Variants in DLGAP2 observed in about 807,000 individuals in gnomAD.
The protein encoded by DLGAP2 is DLG associated protein 2, also known as disks large-associated protein 2.
Under a neutral mutation model 100.3 loss-of-function variants are expected in DLGAP2, and 26 were observed. The ratio of observed to expected loss-of-function variants is 0.26; its 90% confidence interval spans 0.19 to 0.36. DLGAP2 has a LOEUF of 0.36. Among genes scored for constraint, DLGAP2 ranks in the 10% least tolerant of loss-of-function variants. DLGAP2 has a pLI of 1.00. For missense variants in DLGAP2, 1,858 were observed against 1,453.2 expected, an observed-to-expected ratio of 1.28 and a Z score of -4.53; for synonymous variants, 886 against 630.1, an observed-to-expected ratio of 1.41 and a Z score of -6.08.
intron 2 of DLGAP2, among the ~76,000 whole-genome samples, chr8:936,890 G>C (rs1254443494): frequency 2.6e-5 from 4 of 152,152 alleles, no homozygotes; most frequent in African/African-American, 9.7e-5. Context: ...CTGGTCCATC[G>C]TTTCACCACC....
rs1800989944 is a variant in DLGAP2, at chr8:1,531,522, G to A, written c.173-17104G>A. On this transcript the variant is annotated intron_variant, in intron 4 of 14. Coordinates refer to ENST00000637795, the MANE Select transcript of DLGAP2 (RefSeq NM_001346810.2). Reference sequence around the variant, plus strand: ...TATTTCATACTGATAATTTTTTGAAGGAAATGTTTTCTTATTTACAGGAAT... The same window carrying A: ...TATTTCATACTGATAATTTTTTGAAAGAAATGTTTTCTTATTTACAGGAAT... Among the ~76,000 whole-genome samples, 6 of 152,034 alleles carry A rather than the reference G, an allele frequency of 3.9e-5. No individual in the cohort carries two copies. In the South Asian group the frequency reaches 1.3e-3, roughly 32 times the overall value.
intron 2 of DLGAP2, among the ~76,000 whole-genome samples, chr8:1,103,186 T>G (rs1056396769): frequency 6.6e-6 from 1 of 152,200 alleles, no homozygotes; most frequent in African/African-American, 2.4e-5. Context: ...CGGTGGCCTA[T>G]CTGCCCTGTG....
intron 2 of DLGAP2, among the ~76,000 whole-genome samples, chr8:972,791 G>C (rs1020073949): frequency 7.9e-5 from 12 of 152,100 alleles, no homozygotes; most frequent in Non-Finnish European, 1.3e-4. Context: ...TGTGTCCCTG[G>C]GTACTTGAGA....
intron 3 of DLGAP2, among the ~76,000 whole-genome samples, chr8:1,377,566 A>G (rs1211214882): frequency 1.3e-5 from 2 of 152,128 alleles, no homozygotes; most frequent in Admixed American, 1.3e-4. Flanking sequence ...AAAATAAAAT[A>G]AAGATGCACA....
At chr8:870,463 T>C (rs1256636201) in intron 1 of DLGAP2, among the ~76,000 whole-genome samples, 2 of 152,180 alleles carry the variant, frequency 1.3e-5, no homozygotes, top group Non-Finnish European at 2.9e-5. Flanking sequence ...GCACCCCGGC[T>C]TGAAAACCTG....
intron 5 of DLGAP2, among the ~76,000 whole-genome samples, chr8:1,554,564 C>T (rs965660026): frequency 5.3e-5 from 8 of 152,136 alleles, no homozygotes; most frequent in African/African-American, 1.7e-4. Flanking sequence ...CCTCTGCTGC[C>T]CATCTGCCTC....
chr8:1,038,284 T>G (rs1040855499), intron 2 of DLGAP2, among the ~76,000 whole-genome samples: 1 of 152,208 alleles, frequency 6.6e-6, no homozygotes, highest in Non-Finnish European at 1.5e-5. Flanking sequence ...TTCCAGAACC[T>G]TTTTTCCTTC....
At chr8:1,331,759 G>C (rs1801163199) in intron 3 of DLGAP2, among the ~76,000 whole-genome samples, 1 of 152,304 alleles carries the variant, frequency 6.6e-6, no homozygotes, top group Non-Finnish European at 1.5e-5. Flanking sequence ...TATGGGCTGG[G>C]CACACCTTCT....
chr8:1,298,567 C>CGGCTCAGTA (rs1191550061), intron 3 of DLGAP2, among the ~76,000 whole-genome samples: 3 of 152,042 alleles, frequency 2.0e-5, no homozygotes, highest in Non-Finnish European at 2.9e-5. Context: ...GCGTGGGGGA[C>CGGCTCAGTA]GGCTCAGTAG....
intron 2 of DLGAP2, among the ~76,000 whole-genome samples, chr8:1,164,496 C>G (rs1057067911): frequency 6.6e-6 from 1 of 151,764 alleles, no homozygotes; most frequent in African/African-American, 2.4e-5. Flanking sequence ...GGGGAGTTAA[C>G]CAGGTAACCA....
chr8:792,983 C>G (rs753243390), intron 1 of DLGAP2, among the ~76,000 whole-genome samples: 2 of 152,218 alleles, frequency 1.3e-5, no homozygotes, highest in South Asian at 2.1e-4. Flanking sequence ...CCACCCTTCC[C>G]CATGCTGAGA....
chr8:1,202,644 G>A (rs899740952), intron 2 of DLGAP2, among the ~76,000 whole-genome samples: 1 of 152,140 alleles, frequency 6.6e-6, no homozygotes, highest in African/African-American at 2.4e-5. Flanking sequence ...GGGATGGGGG[G>A]CCAGGCAATG....
intron 3 of DLGAP2, among the ~76,000 whole-genome samples, chr8:1,498,550 T>A (rs1799617172): frequency 6.6e-6 from 1 of 152,096 alleles, no homozygotes; most frequent in Non-Finnish European, 1.5e-5. Context: ...GCCCCTTGGA[T>A]GGGAATTTGG....
chr8:990,419 AC>A (rs1304209777), intron 2 of DLGAP2, among the ~76,000 whole-genome samples: 16 of 42,866 alleles, frequency 3.7e-4, no homozygotes, highest in African/African-American at 1.1e-3. Context: ...CCTTGCCCAG[AC>A]CCCCTGCACC....
intron 2 of DLGAP2, among the ~76,000 whole-genome samples, chr8:1,194,334 A>C (rs927670955): frequency 6.6e-6 from 1 of 151,954 alleles, no homozygotes; most frequent in African/African-American, 2.4e-5. Flanking sequence ...TGGTGGAGGG[A>C]GCCCGGATGC....
chr8:1,467,828 G>A (rs186544474), intron 3 of DLGAP2, among the ~76,000 whole-genome samples: 1 of 152,354 alleles, frequency 6.6e-6, no homozygotes, highest in East Asian at 1.9e-4. Context: ...TGCTGCAGGG[G>A]TGGCGCCAGG....
At chr8:1,365,053 C>T (rs536000910) in intron 3 of DLGAP2, among the ~76,000 whole-genome samples, 14 of 152,316 alleles carry the variant, frequency 9.2e-5, no homozygotes, top group Admixed American at 5.2e-4. Context: ...AGATTTACGA[C>T]TGAGATGACC....
chr8:886,901 G>T (rs181599047), intron 1 of DLGAP2, among the ~76,000 whole-genome samples: 2 of 152,312 alleles, frequency 1.3e-5, no homozygotes, highest in African/African-American at 4.8e-5. Context: ...ATCTAGAGCT[G>T]AGTTCAAGTC....
At position 1,379,936 on chromosome 8, in the gene DLGAP2, C is replaced by T. The variant is rs191116752; in HGVS notation, c.106+121053C>T. ...GGGGCCTGATTTTGGGGTGCCCTCC[C>T]TTCCCTCCCCTCCTGCTCGGTGGGG... On this transcript the variant is annotated intron_variant, in intron 3 of 14. Transcript: ENST00000637795. 9.3e-4 allele frequency among the ~76,000 whole-genome samples: 138 copies of T among 148,818 alleles called. 2 individuals are homozygous for T. The Middle Eastern group carries it at 0.011, about 11-fold the overall frequency.
Sources: allele counts gnomAD v4.1 joint callset (sites outside exome capture counted in the v4.1 genomes callset), GRCh38; gene constraint gnomAD v4.1.1; transcripts MANE v1.5; gene names NCBI Gene and HGNC (gene_info 2026-07-23, HGNC 2026-07-21).